PHF24: variants seen among roughly 807,000 people sequenced by gnomAD.
The protein encoded by PHF24 is PHD finger protein 24, also known as Galpha inhibitory interacting protein.
A neutral mutation model predicts 42.6 loss-of-function variants in PHF24; 25 were observed. The ratio of observed to expected loss-of-function variants is 0.59; its 90% confidence interval spans 0.43 to 0.82. The LOEUF (loss-of-function observed/expected upper bound fraction) is 0.82. PHF24 is among the 40% of genes least tolerant of loss of function. The pLI, the probability that PHF24 is intolerant of heterozygous loss-of-function variation, is 0.00. For synonymous variants in PHF24, 185 were observed against 204.8 expected (o/e 0.90, Z 0.83); for missense variants, 470 against 538.1 (o/e 0.87, Z 1.25).
At chr9:34,733,503 CT>C in the PHF24 span, among the ~76,000 whole-genome samples, 135 of 140,196 alleles carry the variant, frequency 9.6e-4, no homozygotes, top group Admixed American at 1.2e-3. Flanking sequence ...TTCTGTGGGT[CT>C]TTTTTTTTTT....
the PHF24 span, among the ~76,000 whole-genome samples, chr9:34,921,623 G>A: frequency 6.6e-6 from 1 of 152,156 alleles, no homozygotes; most frequent in Non-Finnish European, 1.5e-5. Flanking sequence ...AGTAAAATGG[G>A]TCACAGCTTT....
At chr9:34,864,070 C>T in the PHF24 span, among the ~76,000 whole-genome samples, 1 of 152,208 alleles carries the variant, frequency 6.6e-6, no homozygotes, top group Non-Finnish European at 1.5e-5. Flanking sequence ...AACTAGTGAG[C>T]TTGAATGCAG....
At chr9:34,847,972 C>G in the PHF24 span, among the ~76,000 whole-genome samples, 2 of 152,114 alleles carry the variant, frequency 1.3e-5, no homozygotes, top group Non-Finnish European at 2.9e-5. Flanking sequence ...GGTGGATAAG[C>G]TTTTTGATGT....
At chr9:34,902,491 A>T in the PHF24 span, among the ~76,000 whole-genome samples, 1 of 152,040 alleles carries the variant, frequency 6.6e-6, no homozygotes, top group Non-Finnish European at 1.5e-5. Context: ...TCTACAAAAA[A>T]TTATAAAATT....
chr9:34,974,061 A>C (rs1827102118), intron 3 of PHF24, among the ~76,000 whole-genome samples: 1 of 151,960 alleles, frequency 6.6e-6, no homozygotes, highest in Non-Finnish European at 1.5e-5. Context: ...GCTGAAGTGC[A>C]GTGGTGCGAT....
chr9:34,760,063 C>T, the PHF24 span, among the ~76,000 whole-genome samples: 1 of 152,176 alleles, frequency 6.6e-6, no homozygotes, highest in African/African-American at 2.4e-5. Context: ...TCACATTTGC[C>T]CTTACTGCCT....
the PHF24 span, among the ~76,000 whole-genome samples, chr9:34,939,108 G>T: frequency 2.0e-5 from 3 of 151,554 alleles, no homozygotes; most frequent in Non-Finnish European, 2.9e-5. Context: ...TGGAGAAACC[G>T]CATCTCTACT....
the PHF24 span, among the ~76,000 whole-genome samples, chr9:34,859,489 G>T: frequency 6.6e-6 from 1 of 152,004 alleles, no homozygotes; most frequent in African/African-American, 2.4e-5. Flanking sequence ...TTCTCTTTTG[G>T]ACATTTGCTT....
chr9:34,793,387 G>A, the PHF24 span, among the ~76,000 whole-genome samples: 1 of 152,128 alleles, frequency 6.6e-6, no homozygotes, highest in East Asian at 1.9e-4. Flanking sequence ...GAAACAAAAT[G>A]GACTATTCAA....
chr9:34,981,731 ATT>A (rs1827397029), exon 8 of PHF24: 1 of 140,042 alleles, frequency 7.1e-6, no homozygotes, highest in Non-Finnish European at 1.5e-5. Flanking sequence ...TAAAATTCCT[ATT>A]TTCTTTTTTT....
the PHF24 span, among the ~76,000 whole-genome samples, chr9:34,880,426 A>T: frequency 1.3e-5 from 2 of 152,170 alleles, no homozygotes; most frequent in Non-Finnish European, 2.9e-5. Context: ...TGGATAAAGA[A>T]TCAAGACCCA....
the PHF24 span, among the ~76,000 whole-genome samples, chr9:34,844,669 C>T: frequency 6.6e-6 from 1 of 152,080 alleles, no homozygotes; most frequent in Admixed American, 6.6e-5. Flanking sequence ...TTTCAGTCTT[C>T]TTAAATTTGT....
At chr9:34,906,013 G>C in the PHF24 span, among the ~76,000 whole-genome samples, 1 of 151,964 alleles carries the variant, frequency 6.6e-6, no homozygotes, top group Admixed American at 6.6e-5. Flanking sequence ...AGATTTTTTG[G>C]TCTTTGTGGG....
the PHF24 span, among the ~76,000 whole-genome samples, chr9:34,817,530 T>C: frequency 6.6e-6 from 1 of 152,156 alleles, no homozygotes; most frequent in East Asian, 1.9e-4. Context: ...ATCTCTTATA[T>C]CTTCTTTTTG....
the PHF24 span, among the ~76,000 whole-genome samples, chr9:34,950,532 AT>A: frequency 6.6e-6 from 1 of 152,076 alleles, no homozygotes; most frequent in South Asian, 2.1e-4. Context: ...ATAAGAAAAT[AT>A]TTTTAATTTA....
chr9:34,827,851 G>C, the PHF24 span, among the ~76,000 whole-genome samples: 1 of 152,028 alleles, frequency 6.6e-6, no homozygotes, highest in African/African-American at 2.4e-5. Flanking sequence ...TGAGCACTGG[G>C]ATGCCACCCT....
chr9:34,759,012 A>G, the PHF24 span, among the ~76,000 whole-genome samples: 2 of 152,008 alleles, frequency 1.3e-5, no homozygotes, highest in African/African-American at 4.8e-5. Context: ...ACTGCACTCC[A>G]CCGCTCTCCC....
the PHF24 span, among the ~76,000 whole-genome samples, chr9:34,875,080 C>T: frequency 6.6e-6 from 1 of 152,012 alleles, no homozygotes; most frequent in East Asian, 1.9e-4. Context: ...CTTTTTGAAC[C>T]CATGAACCAT....
At chr9:34,835,428 G>A in the PHF24 span, 1 of 1,551,490 alleles carries the variant, frequency 6.4e-7, no homozygotes, top group African/African-American at 1.4e-5. Context: ...AGAAGCCTCA[G>A]CACTTCAGGA....
Sources: allele counts gnomAD v4.1 joint callset (sites outside exome capture counted in the v4.1 genomes callset), GRCh38; gene constraint gnomAD v4.1.1; transcripts MANE v1.5; gene names NCBI Gene and HGNC (gene_info 2026-07-23, HGNC 2026-07-21).